BRAF: variants seen among roughly 807,000 people sequenced by gnomAD.
BRAF encodes the protein B-Raf proto-oncogene, serine/threonine kinase.
A neutral mutation model predicts 104.6 loss-of-function variants in BRAF; 16 were observed. That is an observed-to-expected ratio of 0.15 (90% confidence interval 0.10 to 0.23). BRAF has a LOEUF of 0.23. Among genes scored for constraint, BRAF ranks in the 10% least tolerant of loss-of-function variants. The pLI, the probability that BRAF is intolerant of heterozygous loss-of-function variation, is 1.00. For synonymous variants in BRAF, 310 were observed against 341.6 expected, an observed-to-expected ratio of 0.91 and a Z score of 1.02; for missense variants, 541 against 937.3, an observed-to-expected ratio of 0.58 and a Z score of 5.52.
intron 1 of BRAF, among the ~76,000 whole-genome samples, chr7:140,915,208 A>G (rs1817485409): frequency 6.6e-6 from 1 of 152,098 alleles, no homozygotes; most frequent in South Asian, 2.1e-4. Context: ...ACAGTTTAAA[A>G]ATATCAAGTC....
intron 2 of BRAF, among the ~76,000 whole-genome samples, chr7:140,845,846 AT>A (rs1481815745): frequency 6.6e-6 from 1 of 151,802 alleles, no homozygotes; most frequent in South Asian, 2.1e-4. Context: ...CACACCTGAA[AT>A]TTTTGTATTT....
At chr7:140,874,707 G>A (rs1261041802) in intron 1 of BRAF, among the ~76,000 whole-genome samples, 14 of 152,102 alleles carry the variant, frequency 9.2e-5, no homozygotes, top group African/African-American at 3.1e-4. Flanking sequence ...TAGCTGTGGG[G>A]ATTAAAATAA....
intron 17 of BRAF, among the ~76,000 whole-genome samples, chr7:140,742,200 G>C (rs1396346897): frequency 6.6e-6 from 1 of 151,330 alleles, no homozygotes; most frequent in African/African-American, 2.4e-5. Flanking sequence ...TTTTGTTTTT[G>C]TTTTTTAATT....
At chr7:140,923,451 G>A (rs1371354858) in intron 1 of BRAF, among the ~76,000 whole-genome samples, 2 of 152,150 alleles carry the variant, frequency 1.3e-5, no homozygotes, top group South Asian at 2.1e-4. Context: ...AGTGCTAAGA[G>A]GCTGACTAAT....
chr7:140,779,774 A>G (rs941069279), intron 12 of BRAF: 2 of 152,198 alleles, frequency 1.3e-5, no homozygotes, highest in African/African-American at 4.8e-5. Flanking sequence ...TCTACTCAAA[A>G]TACAAAAATT....
intron 14 of BRAF, among the ~76,000 whole-genome samples, chr7:140,754,492 T>G (rs1241172965): frequency 2.0e-5 from 3 of 152,182 alleles, no homozygotes. Context: ...TAGTTACCAA[T>G]ACAAACCTTT....
intron 5 of BRAF, among the ~76,000 whole-genome samples, chr7:140,807,089 T>A (rs1426220465): frequency 6.6e-6 from 1 of 152,202 alleles, no homozygotes; most frequent in East Asian, 1.9e-4. Context: ...TCAAGTTCTA[T>A]GTAGATCCTC....
intron 14 of BRAF, among the ~76,000 whole-genome samples, chr7:140,768,483 C>T (rs1799539537): frequency 6.6e-6 from 1 of 152,050 alleles, no homozygotes; most frequent in South Asian, 2.1e-4. Flanking sequence ...CTCATGAAAG[C>T]AGGAGTCACT....
intron 1 of BRAF, among the ~76,000 whole-genome samples, chr7:140,860,522 G>C (rs570115259): frequency 6.7e-6 from 1 of 149,046 alleles, no homozygotes; most frequent in Non-Finnish European, 1.5e-5. Context: ...CCACATACTT[G>C]TACTCCCAGC....
At chr7:140,772,272 TACAACAACAACAACAACAACAACAACA>T (rs61337459) in intron 14 of BRAF, among the ~76,000 whole-genome samples, 1 of 149,208 alleles carries the variant, frequency 6.7e-6, no homozygotes, top group Non-Finnish European at 1.5e-5. Context: ...ATTGTTTAAC[TACAACAACAACAACAACAACAACAACA>T]ACAACAACAA....
intron 14 of BRAF, among the ~76,000 whole-genome samples, chr7:140,763,226 CG>C (rs1167607485): frequency 1.4e-5 from 2 of 142,734 alleles, no homozygotes; most frequent in African/African-American, 5.2e-5. Flanking sequence ...GGCGGCTGGC[CG>C]GGCGGGGGGC....
At chr7:140,884,641 G>A (rs111437369) in intron 1 of BRAF, among the ~76,000 whole-genome samples, 2,278 of 151,872 alleles carry the variant, frequency 0.015, 50 homozygotes, top group African/African-American at 0.052. Flanking sequence ...CATCACGTCT[G>A]GCTAATTTTT....
chr7:140,746,002 A>G (rs1179902054), intron 17 of BRAF, among the ~76,000 whole-genome samples: 1 of 152,176 alleles, frequency 6.6e-6, no homozygotes, highest in African/African-American at 2.4e-5. Flanking sequence ...TGCCAGGTAC[A>G]TGAATGAGCC....
At chr7:140,902,027 T>A (rs1465295690) in intron 1 of BRAF, among the ~76,000 whole-genome samples, 1 of 152,258 alleles carries the variant, frequency 6.6e-6, no homozygotes, top group Admixed American at 6.5e-5. Context: ...GTATAAACTG[T>A]ACAGGCATGC....
chr7:140,754,059 C>T, intron 15 of BRAF, 128 bp downstream of exon 14: 1 of 1,017,458 alleles, frequency 9.8e-7, no homozygotes, highest in Non-Finnish European at 1.5e-6. Flanking sequence ...ATGCACAATC[C>T]TTTATTAATT....
chr7:140,860,247 A>G (rs572666625), intron 1 of BRAF, among the ~76,000 whole-genome samples: 196 of 152,266 alleles, frequency 1.3e-3, no homozygotes, highest in Non-Finnish European at 2.5e-3. Context: ...TTCCAGGGTA[A>G]GTGGCCATCC....
At chr7:140,731,566 C>T (rs1299138668) in intron 19 of BRAF, 1 of 152,088 alleles carries the variant, frequency 6.6e-6, no homozygotes, top group Admixed American at 6.5e-5. Flanking sequence ...GAGAGAAAGG[C>T]CATTTAAGCT....
chr7:140,737,700 T>C (rs1796552186), intron 18 of BRAF, among the ~76,000 whole-genome samples: 1 of 152,180 alleles, frequency 6.6e-6, no homozygotes, highest in African/African-American at 2.4e-5. Flanking sequence ...CTTTCCTACC[T>C]CAAAACTATA....
chr7:140,879,715 T>A (rs1244693040), intron 1 of BRAF, among the ~76,000 whole-genome samples: 2 of 149,196 alleles, frequency 1.3e-5, no homozygotes, highest in East Asian at 3.9e-4. Context: ...AAGGTTAGGG[T>A]GACTGTGGCA....
Sources: allele counts gnomAD v4.1 joint callset (sites outside exome capture counted in the v4.1 genomes callset), GRCh38; gene constraint gnomAD v4.1.1; transcripts MANE v1.5; gene names NCBI Gene and HGNC (gene_info 2026-07-23, HGNC 2026-07-21).